Variants in PAMR1 observed in about 807,000 individuals in gnomAD.
The protein encoded by PAMR1 is peptidase domain containing associated with muscle regeneration 1, also known as inactive serine protease PAMR1.
A neutral mutation model predicts 81.8 loss-of-function variants in PAMR1; 88 were observed. The ratio of observed to expected loss-of-function variants is 1.08; its 90% confidence interval spans 0.91 to 1.28. The LOEUF is 1.28. Among genes scored for constraint, PAMR1 ranks in the 50% most tolerant of loss-of-function variants. PAMR1 has a pLI of 0.00. For missense variants in PAMR1, 935 were observed against 919.7 expected, an observed-to-expected ratio of 1.02 and a Z score of -0.21; for synonymous variants, 336 against 345.3, an observed-to-expected ratio of 0.97 and a Z score of 0.30.
At chr11:35,488,197 CTTTTTTT>C (rs35884320) in intron 3 of PAMR1, among the ~76,000 whole-genome samples, 1 of 88,030 alleles carries the variant, frequency 1.1e-5, no homozygotes, top group Non-Finnish European at 2.2e-5. Context: ...CCTTTCCCAT[CTTTTTTT>C]TTTTTTTTTT....
Position 35,434,706 on chromosome 11 carries a change from C to T in PAMR1, c.1432G>A (p.Gly478Ser), listed in dbSNP as rs753313677. The change falls in exon 10 of 11, where the codon GGC becomes AGC. Residue 478 changes from glycine to serine, a missense_variant. Coordinates refer to ENST00000619888, the MANE Select transcript of PAMR1 (RefSeq NM_001001991.3). The stretch of plus-strand genomic sequence containing the variant: ...AACCACGCTCCCTTGTGTAGGCTGC[C>T]GTCATGCACCCCGCTGGTCCTCCTG... The part of the protein sequence containing the change: ...IYRRTSGVHD[G>S]SLHKGAWFLV... The T allele has an allele frequency of 4.3e-6, 7 of 1,614,142 alleles. No individual in the cohort carries two copies. The highest frequency in any genetic ancestry group is 2.7e-5 in the African/African-American group (2 of 75,024).
rs187352541 is a variant in PAMR1, at chr11:35,518,859, T to C, written c.73+6654A>G. The stretch of plus-strand genomic sequence containing the variant: ...TCAGTGCATGAGGACAGTTGTTGTG[T>C]CAGTGTGTGAGGACAATTGTGTCTC... On this transcript the variant is annotated intron_variant, in intron 1 of 10. Transcript: ENST00000619888. 4.6e-5 allele frequency among the ~76,000 whole-genome samples: 7 copies of C among 152,222 alleles called. No individual in the cohort carries two copies. The East Asian group carries it at 1.4e-3, about 30-fold the overall frequency.
intron 6 of PAMR1, among the ~76,000 whole-genome samples, chr11:35,455,017 G>C (rs755399877): frequency 6.6e-6 from 1 of 152,230 alleles, no homozygotes; most frequent in South Asian, 2.1e-4. Flanking sequence ...CTGGGGCACA[G>C]AGGAGGTCCC....
rs144573243 is a variant in PAMR1 at position 35,523,297 on chromosome 11, G to A, written c.73+2216C>T. Reference sequence around the variant, plus strand: ...AATTATCTTCCCTGGTTGCATTTATGTTCATTCCCCACAAGTTAATGTCTG... The same window carrying A: ...AATTATCTTCCCTGGTTGCATTTATATTCATTCCCCACAAGTTAATGTCTG... On this transcript the variant is annotated intron_variant, in intron 1 of 10. Transcript: ENST00000619888. Among the ~76,000 whole-genome samples the A allele has an allele frequency of 3.9e-3, 596 of 152,172 alleles. 4 individuals are homozygous for A. The highest frequency in any genetic ancestry group is 0.02 in the Middle Eastern group (6 of 294).
intron 6 of PAMR1, among the ~76,000 whole-genome samples, chr11:35,443,522 C>G (rs1241769167): frequency 6.6e-6 from 1 of 152,166 alleles, no homozygotes; most frequent in Non-Finnish European, 1.5e-5. Context: ...ATCCATGTCC[C>G]TGCAATGGAT....
intron 1 of PAMR1, among the ~76,000 whole-genome samples, chr11:35,502,213 T>A (rs1415405029): frequency 6.6e-6 from 1 of 152,180 alleles, no homozygotes; most frequent in Non-Finnish European, 1.5e-5. Context: ...TTTTGAGAAA[T>A]GTCTATTCAG....
intron 3 of PAMR1, among the ~76,000 whole-genome samples, chr11:35,491,215 C>A (rs536744146): frequency 6.6e-6 from 1 of 152,282 alleles, no homozygotes; most frequent in Admixed American, 6.5e-5. Flanking sequence ...AGCTGCAGAC[C>A]ATATACTCAT....
intron 6 of PAMR1, among the ~76,000 whole-genome samples, chr11:35,462,792 C>G (rs1347762018): frequency 6.6e-6 from 1 of 152,138 alleles, no homozygotes; most frequent in Non-Finnish European, 1.5e-5. Context: ...ATGACTCGCT[C>G]AAGACCACCT....
chr11:35,453,287 G>C (rs1244447947), intron 6 of PAMR1: 1 of 152,132 alleles, frequency 6.6e-6, no homozygotes, highest in African/African-American at 2.4e-5. Context: ...CCATTGTTGG[G>C]CCTATTCAAA....
chr11:35,459,493 C>T (rs895034032), intron 6 of PAMR1, among the ~76,000 whole-genome samples: 1 of 152,170 alleles, frequency 6.6e-6, no homozygotes. Context: ...TGGGTGATAA[C>T]TCTAAACTAC....
intron 1 of PAMR1, among the ~76,000 whole-genome samples, chr11:35,518,665 G>A (rs1296858263): frequency 6.6e-6 from 1 of 151,648 alleles, no homozygotes; most frequent in Non-Finnish European, 1.5e-5. Context: ...ACCATCCAGT[G>A]GAATTATAAA....
chr11:35,479,542 G>C (rs894041643), intron 3 of PAMR1, among the ~76,000 whole-genome samples: 1 of 152,116 alleles, frequency 6.6e-6, no homozygotes, highest in African/African-American at 2.4e-5. Context: ...TGATTGTTTT[G>C]GTCCAGGAAT....
chr11:35,439,558 T>C, intron 8 of PAMR1, 69 bp downstream of exon 8: 5 of 1,260,258 alleles, frequency 4.0e-6, no homozygotes, highest in Non-Finnish European at 3.5e-6. Flanking sequence ...CAAACACAAG[T>C]GGGGAAGGGG....
At chr11:35,518,221 C>T (rs1335628627) in intron 1 of PAMR1, among the ~76,000 whole-genome samples, 1 of 151,788 alleles carries the variant, frequency 6.6e-6, no homozygotes, top group African/African-American at 2.4e-5. Flanking sequence ...CAGCCATGTC[C>T]TCACTTCTGC....
intron 8 of PAMR1, among the ~76,000 whole-genome samples, chr11:35,436,617 TTC>T (rs1460583876): frequency 6.7e-6 from 1 of 148,526 alleles, no homozygotes; most frequent in Non-Finnish European, 1.5e-5. Flanking sequence ...GTCTCTCTGT[TTC>T]TCTCTTTCTG....
intron 1 of PAMR1, among the ~76,000 whole-genome samples, chr11:35,508,198 A>G (rs942465894): frequency 4.6e-5 from 7 of 152,202 alleles, no homozygotes; most frequent in African/African-American, 1.4e-4. Flanking sequence ...AAAGAACCCA[A>G]GATGGTGGGG....
chr11:35,476,665 C>T (rs1051785277), intron 3 of PAMR1, among the ~76,000 whole-genome samples: 4 of 152,130 alleles, frequency 2.6e-5, no homozygotes, highest in African/African-American at 9.7e-5. Flanking sequence ...CCCTTGTTCC[C>T]GAACATACTG....
At chr11:35,490,805 T>C (rs1390711529) in intron 3 of PAMR1, among the ~76,000 whole-genome samples, 1 of 152,220 alleles carries the variant, frequency 6.6e-6, no homozygotes, top group Non-Finnish European at 1.5e-5. Context: ...ATCAACCTTA[T>C]GAAGTTGGTA....
chr11:35,434,234 A>C (rs775511063), intron 10 of PAMR1, among the ~76,000 whole-genome samples: 1 of 152,062 alleles, frequency 6.6e-6, no homozygotes, highest in African/African-American at 2.4e-5. Flanking sequence ...GGAGAAGTAC[A>C]TTTTACTCTT....
Sources: gnomAD v4.1 joint callset for allele counts (sites outside exome capture counted in the v4.1 genomes callset) on GRCh38, gnomAD v4.1.1 for gene constraint, MANE v1.5 for transcripts, NCBI Gene and HGNC (gene_info 2026-07-23, HGNC 2026-07-21) for gene names.